Variants in TANC2 observed in about 807,000 individuals in gnomAD.
The protein encoded by TANC2 is tetratricopeptide repeat, ankyrin repeat and coiled-coil containing 2.
TANC2 carries 26 observed loss-of-function variants against 210.5 expected under a neutral mutation model. The ratio of observed to expected loss-of-function variants is 0.12; its 90% CI spans 0.09 to 0.17. The LOEUF (loss-of-function observed/expected upper bound fraction) is 0.17, where lower values mean the gene tolerates loss of function less well. Among genes scored for constraint, TANC2 ranks in the 10% least tolerant of loss-of-function variants. TANC2 has a pLI of 1.00. For synonymous variants in TANC2, 931 were observed against 967.1 expected (o/e 0.96, Z 0.69); for missense variants, 2,129 against 2,608.9 (o/e 0.82, Z 4.01).
At chr17:63,237,370 G>A (rs1347594390) in intron 7 of TANC2, among the ~76,000 whole-genome samples, 1 of 151,920 alleles carries the variant, frequency 6.6e-6, no homozygotes, top group African/African-American at 2.4e-5. Flanking sequence ...CTTAATGTTA[G>A]TCCTGTCAGA....
rs56739102 is a variant in TANC2, at chr17:63,146,357, A to G, written c.323-4913A>G. On this transcript the variant is annotated intron_variant, in intron 4 of 27. Transcript: ENST00000689528. ...TTGTCTTCTGCAAACAGATAATTTT[A>G]CTTCTTTCTACTTTGGATGCCTTGT... 7.2e-3 allele frequency among the ~76,000 whole-genome samples: 1,090 copies of G among 151,960 alleles called. 84 individuals are homozygous for G. The East Asian group carries it at 0.18, about 25-fold the overall frequency.
At chr17:63,177,861 A>T (rs2040643481) in intron 5 of TANC2, among the ~76,000 whole-genome samples, 1 of 152,222 alleles carries the variant, frequency 6.6e-6, no homozygotes, top group Non-Finnish European at 1.5e-5. Context: ...AGTCACTTGG[A>T]CAAATCCAAA....
chr17:63,045,802 A>G (rs1598307199), intron 2 of TANC2, among the ~76,000 whole-genome samples: 2 of 152,090 alleles, frequency 1.3e-5, no homozygotes, highest in South Asian at 2.1e-4. Context: ...TTTTTATTTA[A>G]AAAAATTATT....
At chr17:63,268,391 T>G (rs982041881) in intron 9 of TANC2, among the ~76,000 whole-genome samples, 9 of 152,186 alleles carry the variant, frequency 5.9e-5, no homozygotes, top group African/African-American at 2.2e-4. Context: ...AAAACTTTGT[T>G]TCACAAAATG....
intron 21 of TANC2, among the ~76,000 whole-genome samples, chr17:63,407,779 C>T (rs1037328898): frequency 2.6e-5 from 4 of 152,066 alleles, no homozygotes; most frequent in Admixed American, 6.6e-5. Context: ...CTGATACAGG[C>T]GTCCGTTGAG....
chr17:63,098,471 C>T (rs1365377983), intron 3 of TANC2, among the ~76,000 whole-genome samples: 6 of 37,634 alleles, frequency 1.6e-4, no homozygotes, highest in African/African-American at 9.6e-4. Flanking sequence ...CACACACACA[C>T]ACACACACAT....
chr17:63,046,890 G>A (rs531373775), intron 2 of TANC2, among the ~76,000 whole-genome samples: 1 of 152,122 alleles, frequency 6.6e-6, no homozygotes, highest in Non-Finnish European at 1.5e-5. Context: ...ATTTTCCAGT[G>A]AGTGTCTATA....
chr17:63,072,105 A>G (rs1411923941), intron 2 of TANC2, among the ~76,000 whole-genome samples: 3 of 152,158 alleles, frequency 2.0e-5, no homozygotes, highest in African/African-American at 7.2e-5. Flanking sequence ...TACATTTTAG[A>G]AAGAAGAGAA....
intron 5 of TANC2, among the ~76,000 whole-genome samples, chr17:63,190,171 CA>C (rs1268007534): frequency 2.0e-5 from 3 of 151,742 alleles, no homozygotes; most frequent in Admixed American, 6.6e-5. Flanking sequence ...ACCATCTCTA[CA>C]AAAAAATTTT....
At chr17:63,257,856 T>A (rs2043242823) in intron 8 of TANC2, among the ~76,000 whole-genome samples, 1 of 152,244 alleles carries the variant, frequency 6.6e-6, no homozygotes, top group Admixed American at 6.5e-5. Flanking sequence ...AGTTATTATA[T>A]TTGATAGGTT....
At chr17:63,320,296 C>A (rs1266554429) in intron 11 of TANC2, 1 of 152,144 alleles carries the variant, frequency 6.6e-6, no homozygotes, top group African/African-American at 2.4e-5. Context: ...TCCACACTTA[C>A]AAGTTACATT....
Position 63,418,552 on chromosome 17 carries a change from A to C in TANC2, c.4268+145A>C. The stretch of plus-strand genomic sequence containing the variant: ...GGGCCAAGCTTTGGGGATGGCTCCC[A>C]TAGCACAGCCCTCAGCTCAAGATCA... On this transcript the variant is annotated intron_variant, in intron 27 of 27. Coordinates refer to ENST00000689528, the Ensembl canonical transcript of TANC2. This position sits in a 1 kb window ranked among gnomAD's most constrained non-coding sequence, Gnocchi z 4.6. 1.4e-6 allele frequency: 1 copy of C among 697,436 alleles called. No homozygotes were observed. Among genetic ancestry groups the C allele is most frequent in the Non-Finnish European group, 2.4e-6 (1 of 420,430 alleles). The allele number at this position is 697,436 out of a possible 1,614,324, so 43.2% of individuals were successfully genotyped here.
chr17:63,047,291 T>G (rs771675311), intron 2 of TANC2, among the ~76,000 whole-genome samples: 36 of 152,200 alleles, frequency 2.4e-4, no homozygotes, highest in South Asian at 2.1e-4. Context: ...GTGTTCAATT[T>G]TATATCTTCT....
intron 1 of TANC2, among the ~76,000 whole-genome samples, chr17:62,968,704 C>G (rs766568095): frequency 6.6e-6 from 1 of 152,086 alleles, no homozygotes; most frequent in Admixed American, 6.6e-5. Context: ...TAGTTGCGCT[C>G]GGGGAACCAG....
intron 27 of TANC2, among the ~76,000 whole-genome samples, chr17:63,419,521 AGG>A (rs2048961339): frequency 6.6e-6 from 1 of 152,354 alleles, no homozygotes; most frequent in African/African-American, 2.4e-5. Flanking sequence ...GGCAGAGGAC[AGG>A]GTTCTTGCCT....
At chr17:63,168,060 G>A (rs2040276061) in intron 5 of TANC2, among the ~76,000 whole-genome samples, 1 of 152,078 alleles carries the variant, frequency 6.6e-6, no homozygotes, top group Non-Finnish European at 1.5e-5. Flanking sequence ...TGCCCTAGGT[G>A]AGTTAATTTT....
intron 6 of TANC2, among the ~76,000 whole-genome samples, chr17:63,200,565 G>T (rs1289807164): frequency 6.6e-6 from 1 of 152,050 alleles, no homozygotes; most frequent in Non-Finnish European, 1.5e-5. Flanking sequence ...ACTGGCAACA[G>T]TCTCTGTTAA....
intron 5 of TANC2, among the ~76,000 whole-genome samples, chr17:63,159,263 G>A (rs1005558014): frequency 3.9e-5 from 6 of 152,142 alleles, no homozygotes; most frequent in Non-Finnish European, 4.4e-5. Context: ...AAGAAGTTAT[G>A]ATCTTAGTTC....
Position 63,394,550 on chromosome 17 carries a change from A to G in TANC2, c.3052-1193A>G, listed in dbSNP as rs79987295. ...CTGCCTATTGGTTACAATTCAGACC[A>G]CTTAGCCTGGCATTCAGAAATATCC... is the stretch of plus-strand genomic sequence containing the variant. On this transcript the variant is annotated intron_variant, in intron 17 of 27. Coordinates refer to ENST00000689528, the Ensembl canonical transcript of TANC2. Among the ~76,000 whole-genome samples the G allele has an allele frequency of 1.0e-3, 154 of 152,346 alleles. 2 individuals are homozygous for G. The highest frequency in any genetic ancestry group is 3.4e-3 in the Middle Eastern group (1 of 294).
Sources: allele counts gnomAD v4.1 joint callset (sites outside exome capture counted in the v4.1 genomes callset), GRCh38; gene constraint gnomAD v4.1.1; non-coding constraint Gnocchi (gnomAD v3.1); transcripts MANE v1.5; gene names NCBI Gene and HGNC (gene_info 2026-07-23, HGNC 2026-07-21).